CSMD1: variants seen among roughly 807,000 people sequenced by gnomAD.
The protein encoded by CSMD1 is CUB and sushi domain-containing protein 1.
CSMD1 carries 213 observed loss-of-function variants against 417.5 expected under a neutral mutation model. The ratio of observed to expected loss-of-function variants is 0.51; its 90% CI spans 0.46 to 0.57. CSMD1 has a LOEUF of 0.57. Ranked by LOEUF, CSMD1 falls within the 20% of genes least tolerant of loss-of-function variation. The pLI, the probability that CSMD1 is intolerant of heterozygous loss-of-function variation, is 0.00. For synonymous variants in CSMD1, 2,862 were observed against 1,736.8 expected (o/e 1.65, Z -16.11); for missense variants, 6,923 against 4,529.7 (o/e 1.53, Z -15.17).
chr8:3,659,618 G>A (rs1291685672), intron 7 of CSMD1, among the ~76,000 whole-genome samples: 1 of 152,132 alleles, frequency 6.6e-6, no homozygotes, highest in East Asian at 1.9e-4. Flanking sequence ...TTTCCCACTA[G>A]AGGAGAAGGG....
intron 1 of CSMD1, among the ~76,000 whole-genome samples, chr8:4,886,282 T>C (rs1171165497): frequency 6.6e-6 from 1 of 152,084 alleles, no homozygotes; most frequent in African/African-American, 2.4e-5. Flanking sequence ...GTTTTGAGCT[T>C]CAACTTTGTC....
chr8:3,963,548 T>A (rs1318290149), intron 5 of CSMD1, among the ~76,000 whole-genome samples: 1 of 152,156 alleles, frequency 6.6e-6, no homozygotes, highest in Non-Finnish European at 1.5e-5. Flanking sequence ...AACATAAAAT[T>A]CGTATTTCAA....
intron 46 of CSMD1, among the ~76,000 whole-genome samples, chr8:3,104,543 A>C (rs1815988871): frequency 1.3e-5 from 2 of 150,048 alleles, no homozygotes; most frequent in African/African-American, 4.9e-5. Flanking sequence ...ATATTTTTTC[A>C]AAAAAAAAAT....
At chr8:3,780,310 A>G (rs1799106861) in intron 5 of CSMD1, among the ~76,000 whole-genome samples, 1 of 152,242 alleles carries the variant, frequency 6.6e-6, no homozygotes, top group Non-Finnish European at 1.5e-5. Flanking sequence ...TCCGCAAATG[A>G]GTCAACTGAA....
At chr8:3,661,630 G>C (rs1798423610) in intron 7 of CSMD1, among the ~76,000 whole-genome samples, 1 of 151,980 alleles carries the variant, frequency 6.6e-6, no homozygotes, top group Non-Finnish European at 1.5e-5. Flanking sequence ...CCAAGTAGTT[G>C]GCATTACAGG....
intron 2 of CSMD1, among the ~76,000 whole-genome samples, chr8:4,480,284 G>A (rs747491801): frequency 6.5e-4 from 99 of 151,918 alleles, no homozygotes; most frequent in Non-Finnish European, 1.0e-3. Context: ...TTGACCCCCA[G>A]GATGAATTTG....
chr8:2,960,863 T>C (rs1803393955), intron 62 of CSMD1, among the ~76,000 whole-genome samples: 1 of 149,886 alleles, frequency 6.7e-6, no homozygotes, highest in Non-Finnish European at 1.5e-5. Context: ...TGATTTCAAA[T>C]AGAAAATAAT....
At chr8:4,360,431 T>C (rs1297777950) in intron 3 of CSMD1, among the ~76,000 whole-genome samples, 1 of 152,226 alleles carries the variant, frequency 6.6e-6, no homozygotes, top group African/African-American at 2.4e-5. Context: ...TAATTAACTG[T>C]GTTTTAAGTC....
At chr8:4,329,727 C>G (rs967283750) in intron 3 of CSMD1, among the ~76,000 whole-genome samples, 1 of 152,018 alleles carries the variant, frequency 6.6e-6, no homozygotes, top group African/African-American at 2.4e-5. Context: ...TGGGAGGTAT[C>G]TGGACTATGG....
At chr8:4,761,908 TATCA>T (rs371204271) in intron 1 of CSMD1, among the ~76,000 whole-genome samples, 15,041 of 96,520 alleles carry the variant, frequency 0.16, 926 homozygotes, top group Admixed American at 0.24. Flanking sequence ...TCTATCTATC[TATCA>T]ATCTATCTAT....
intron 3 of CSMD1, among the ~76,000 whole-genome samples, chr8:4,176,663 G>C (rs1393603989): frequency 1.3e-5 from 2 of 151,634 alleles, no homozygotes; most frequent in African/African-American, 4.9e-5. Context: ...AGACCCATCA[G>C]TGTGCTGTAT....
intron 5 of CSMD1, among the ~76,000 whole-genome samples, chr8:3,940,521 G>C (rs192742997): frequency 6.7e-6 from 1 of 149,014 alleles, no homozygotes; most frequent in African/African-American, 2.5e-5. Context: ...GTGTGTGTGT[G>C]TGTGTGTGTG....
chr8:3,064,963 GA>G (rs1379549808), intron 49 of CSMD1, among the ~76,000 whole-genome samples: 3 of 152,046 alleles, frequency 2.0e-5, no homozygotes, highest in South Asian at 2.1e-4. Flanking sequence ...CTTTGAAAAC[GA>G]GTCTATTCCA....
At chr8:4,664,678 T>C (rs777930578) in intron 1 of CSMD1, among the ~76,000 whole-genome samples, 20 of 152,190 alleles carry the variant, frequency 1.3e-4, no homozygotes, top group Non-Finnish European at 2.9e-4. Context: ...TTATAACAGG[T>C]TGGGAGCCAT....
At chr8:3,120,197 G>A (rs1817116513) in intron 41 of CSMD1, among the ~76,000 whole-genome samples, 1 of 152,176 alleles carries the variant, frequency 6.6e-6, no homozygotes, top group Admixed American at 6.6e-5. Context: ...ACAGGGCAGA[G>A]GGGCCAGCAG....
chr8:3,009,042 T>A (rs73502888), intron 52 of CSMD1, among the ~76,000 whole-genome samples: 5,548 of 152,302 alleles, frequency 0.036, 357 homozygotes, highest in African/African-American at 0.13. Context: ...AGAAACCCCA[T>A]ATACCAGTGG....
chr8:4,068,903 TAAC>T (rs1476045801), intron 3 of CSMD1, among the ~76,000 whole-genome samples: 1 of 152,236 alleles, frequency 6.6e-6, no homozygotes, highest in Non-Finnish European at 1.5e-5. Flanking sequence ...ATGGTTATAA[TAAC>T]CAAATAATAA....
chr8:3,912,996 A>G (rs2129140167), intron 5 of CSMD1, among the ~76,000 whole-genome samples: 1 of 152,282 alleles, frequency 6.6e-6, no homozygotes, highest in East Asian at 1.9e-4. Flanking sequence ...AGGAAAGCCT[A>G]CGCACTGGTG....
intron 9 of CSMD1, among the ~76,000 whole-genome samples, chr8:3,584,460 G>A (rs567866686): frequency 1.4e-4 from 22 of 152,258 alleles, no homozygotes; most frequent in African/African-American, 5.3e-4. Flanking sequence ...AGTAGCTGGG[G>A]GGTTGAGAAG....
Sources: gnomAD v4.1 joint callset for allele counts (sites outside exome capture counted in the v4.1 genomes callset) on GRCh38, gnomAD v4.1.1 for gene constraint, MANE v1.5 for transcripts, NCBI Gene and HGNC (gene_info 2026-07-23, HGNC 2026-07-21) for gene names.